KLF8: variants seen among roughly 807,000 people sequenced by gnomAD.
The protein encoded by KLF8 is Krueppel-like factor 8.
A neutral mutation model predicts 18.2 loss-of-function variants in KLF8; 10 were observed. The observed-to-expected ratio is 0.55, with a 90% CI of 0.34 to 0.93. The LOEUF is 0.93. KLF8 is among the 40% of genes least tolerant of loss of function. The pLI is 0.02. For synonymous variants in KLF8, 109 were observed against 97.3 expected, an observed-to-expected ratio of 1.12 and a Z score of -0.71; for missense variants, 264 against 277.9, an observed-to-expected ratio of 0.95 and a Z score of 0.36.
the KLF8 span, among the ~76,000 whole-genome samples, chrX:56,104,389 C>T: frequency 9.0e-6 from 1 of 111,378 alleles, no homozygotes; most frequent in Non-Finnish European, 1.9e-5. Flanking sequence ...CATATAACTT[C>T]AGAGCCTGTT....
the KLF8 span, among the ~76,000 whole-genome samples, chrX:56,181,398 C>T: frequency 9.0e-5 from 10 of 111,191 alleles, no homozygotes; most frequent in Non-Finnish European, 1.7e-4. Context: ...GCACACTGAT[C>T]GGTCTTGACT....
chrX:56,020,619 T>G, the KLF8 span, among the ~76,000 whole-genome samples: 2 of 111,852 alleles, frequency 1.8e-5, no homozygotes, highest in Non-Finnish European at 3.8e-5. Flanking sequence ...CAAGTTTTAG[T>G]CTGTGGATGC....
the KLF8 span, among the ~76,000 whole-genome samples, chrX:56,159,391 G>T: frequency 8.9e-6 from 1 of 112,566 alleles, no homozygotes; most frequent in African/African-American, 3.2e-5. Context: ...TCAGGATGAT[G>T]CTGGCCTCAT....
At chrX:56,134,606 C>T in the KLF8 span, among the ~76,000 whole-genome samples, 50 of 111,314 alleles carry the variant, frequency 4.5e-4, no homozygotes, top group Middle Eastern at 4.6e-3. Flanking sequence ...TGGGCAAAGA[C>T]TTCATGACCA....
chrX:56,191,929 C>A, the KLF8 span, among the ~76,000 whole-genome samples: 2 of 111,160 alleles, frequency 1.8e-5, no homozygotes, highest in Admixed American at 1.9e-4. Context: ...ATAAGGATGC[C>A]CATTGTCACC....
the KLF8 span, among the ~76,000 whole-genome samples, chrX:56,046,300 C>T: frequency 9.0e-6 from 1 of 111,269 alleles, no homozygotes; most frequent in Non-Finnish European, 1.9e-5. Context: ...TATTAGCCTG[C>T]AGTTTTCTTT....
the KLF8 span, among the ~76,000 whole-genome samples, chrX:56,071,032 G>GTGC: frequency 8.9e-6 from 1 of 111,814 alleles, no homozygotes; most frequent in Admixed American, 9.5e-5. Flanking sequence ...GCAGGCTGAA[G>GTGC]TGCCACTGAA....
upstream of KLF8, among the ~76,000 whole-genome samples, chrX:56,227,603 A>G (rs183436526): frequency 3.6e-5 from 4 of 111,586 alleles, no homozygotes; most frequent in East Asian, 1.1e-3. Context: ...TTGGCCTCAC[A>G]AAGTGCTGGG....
chrX:56,218,853 G>A, the KLF8 span, among the ~76,000 whole-genome samples: 17 of 111,858 alleles, frequency 1.5e-4, no homozygotes, highest in African/African-American at 5.5e-4. Context: ...AAATCCATTT[G>A]GTTTAGGGAA....
At chrX:55,940,654 T>G in the KLF8 span, among the ~76,000 whole-genome samples, 12 of 111,766 alleles carry the variant, frequency 1.1e-4, no homozygotes, top group Admixed American at 8.6e-4. Flanking sequence ...AAAATCTCCT[T>G]AAGCTGATAA....
the KLF8 span, among the ~76,000 whole-genome samples, chrX:56,161,029 G>C: frequency 1.8e-5 from 2 of 111,253 alleles, no homozygotes; most frequent in African/African-American, 6.5e-5. Context: ...GGCTGGTACC[G>C]GTTGTTCCTT....
At chrX:56,094,753 CT>C in the KLF8 span, among the ~76,000 whole-genome samples, 2 of 110,896 alleles carry the variant, frequency 1.8e-5, no homozygotes, top group Non-Finnish European at 3.8e-5. Flanking sequence ...ACAAAATGTG[CT>C]CCCAAACAAC....
the KLF8 span, among the ~76,000 whole-genome samples, chrX:56,080,518 A>G: frequency 8.8e-4 from 98 of 111,468 alleles, no homozygotes; most frequent in Non-Finnish European, 5.3e-4. Context: ...AGAGAGATCC[A>G]CTGTTAGTCT....
chrX:56,045,045 C>A, the KLF8 span, among the ~76,000 whole-genome samples: 4 of 111,985 alleles, frequency 3.6e-5, no homozygotes, highest in African/African-American at 1.3e-4. Context: ...AGATTTAATT[C>A]TTTGGTCCAT....
chrX:56,206,199 G>T, the KLF8 span, among the ~76,000 whole-genome samples: 1 of 110,792 alleles, frequency 9.0e-6, no homozygotes, highest in Non-Finnish European at 1.9e-5. Flanking sequence ...GATTTGGGTG[G>T]GGACACAGCC....
chrX:56,131,108 T>C, the KLF8 span, among the ~76,000 whole-genome samples: 1 of 111,706 alleles, frequency 9.0e-6, no homozygotes, highest in South Asian at 3.7e-4. Flanking sequence ...TTGCTAGAGA[T>C]CTAGACATCC....
chrX:56,140,499 T>A, the KLF8 span, among the ~76,000 whole-genome samples: 1 of 111,243 alleles, frequency 9.0e-6, no homozygotes, highest in African/African-American at 3.3e-5. Flanking sequence ...AGGTAATTAA[T>A]GCAGGAACAG....
chrX:56,273,014 T>G (rs1464501035), intron 5 of KLF8, among the ~76,000 whole-genome samples: 2 of 111,523 alleles, frequency 1.8e-5, no homozygotes, highest in Non-Finnish European at 3.8e-5. Flanking sequence ...TCTTAAGCAG[T>G]GTCCACTCTC....
chrX:56,200,246 A>G, the KLF8 span, among the ~76,000 whole-genome samples: 1 of 111,098 alleles, frequency 9.0e-6, no homozygotes, highest in Admixed American at 9.6e-5. Flanking sequence ...AGTCTCTTCT[A>G]ACTCATAAAC....
Sources: gnomAD v4.1 joint callset for allele counts (sites outside exome capture counted in the v4.1 genomes callset) on GRCh38, gnomAD v4.1.1 for gene constraint, MANE v1.5 for transcripts, NCBI Gene and HGNC (gene_info 2026-07-23, HGNC 2026-07-21) for gene names.